B3GALNT2: variants seen among roughly 807,000 people sequenced by gnomAD.
B3GALNT2 encodes the protein beta-1,3-N-acetylgalactosaminyltransferase 2.
A neutral mutation model predicts 61.1 loss-of-function variants in B3GALNT2; 53 were observed. The ratio of observed to expected loss-of-function variants is 0.87; its 90% CI spans 0.70 to 1.09. The LOEUF (loss-of-function observed/expected upper bound fraction) is 1.09. Among genes scored for constraint, B3GALNT2 ranks in the 50% least tolerant of loss-of-function variants. B3GALNT2 has a pLI of 0.00. For missense variants in B3GALNT2, 544 were observed against 623.0 expected (o/e 0.87, Z 1.35); for synonymous variants, 223 against 237.4 (o/e 0.94, Z 0.56).
intron 1 of B3GALNT2, among the ~76,000 whole-genome samples, chr1:235,503,225 T>A (rs575726382): frequency 3.3e-5 from 5 of 152,226 alleles, no homozygotes; most frequent in African/African-American, 1.2e-4. Context: ...AGTCCCAGTA[T>A]AGTTACAAAA....
At chr1:235,502,918 G>C (rs1685646801) in intron 1 of B3GALNT2, among the ~76,000 whole-genome samples, 1 of 152,180 alleles carries the variant, frequency 6.6e-6, no homozygotes, top group Non-Finnish European at 1.5e-5. Flanking sequence ...GCAAAACCCT[G>C]ACCCCATCAA....
the B3GALNT2 span, chr1:235,441,929 G>A: frequency 6.5e-7 from 1 of 1,535,708 alleles, no homozygotes; most frequent in Middle Eastern, 1.8e-4. Flanking sequence ...GAGTGCTTAG[G>A]TGCTGAAACA....
rs532768784 is a variant in B3GALNT2, at chr1:235,447,909, C to A, written c.*2297G>T. On this transcript the variant is annotated 3_prime_UTR_variant, in exon 12 of 12. Transcript: ENST00000366600. Reference sequence around the variant, plus strand: ...CTAATTACTTACTTGGGTAAAGTGACTTGGGTAAAATGAAAGATACAGCCA... The same window carrying A: ...CTAATTACTTACTTGGGTAAAGTGAATTGGGTAAAATGAAAGATACAGCCA... Among the ~76,000 whole-genome samples the A allele has an allele frequency of 7.2e-5, 11 of 152,042 alleles. No individual in the cohort carries two copies. Among genetic ancestry groups the A allele is most frequent in the Admixed American group, 5.3e-4 (8 of 15,234 alleles).
At position 235,454,140 on chromosome 1, in the gene B3GALNT2, A is replaced by G; in HGVS notation, c.1311+16T>C. ...TGGCAAGAGCCACCACGCCAAGCTA[A>G]GAAATTCTTAATTACCTGATAGGTC... On this transcript the variant is annotated intron_variant, in intron 10 of 11. Transcript: ENST00000366600. The G allele has an allele frequency of 5.7e-6, 9 of 1,585,748 alleles. No homozygotes were observed. Among genetic ancestry groups the G allele is most frequent in the Non-Finnish European group, 7.7e-6 (9 of 1,164,696 alleles).
intron 1 of B3GALNT2, among the ~76,000 whole-genome samples, chr1:235,499,817 A>G (rs1159312565): frequency 6.6e-6 from 1 of 152,208 alleles, no homozygotes; most frequent in East Asian, 1.9e-4. Context: ...CTGAGTATAC[A>G]TTCTTTCCTA....
rs1034737096 is a variant in B3GALNT2, at chr1:235,477,781, T to A, written c.651+2273A>T. ...CAAATTGCCCCTGGTGAAGAAACACTGCTCTTAAAGAATAGGACCCCCTCA... is the reference window on the plus strand; with the variant it reads ...CAAATTGCCCCTGGTGAAGAAACACAGCTCTTAAAGAATAGGACCCCCTCA... On this transcript the variant is annotated intron_variant, in intron 5 of 11. Coordinates refer to ENST00000366600, the MANE Select transcript of B3GALNT2 (RefSeq NM_152490.5). Among the ~76,000 whole-genome samples the A allele has an allele frequency of 2.0e-5, 3 of 152,202 alleles. 1 individual carries two copies. The highest frequency in any genetic ancestry group is 4.4e-5 in the Non-Finnish European group (3 of 68,044).
Position 235,504,411 on chromosome 1 carries a change from C to T in B3GALNT2, c.-159G>A. 1.3e-6 allele frequency: 1 copy of T among 743,740 alleles called. No individual in the cohort carries two copies. Among genetic ancestry groups the T allele is most frequent in the East Asian group, 3.7e-5 (1 of 26,800 alleles). 46.1% of individuals were successfully genotyped at this position (743,740 alleles called of 1,614,324 possible). On this transcript the variant is annotated 5_prime_UTR_variant, in exon 1 of 12. Transcript: ENST00000366600. Reference sequence around the variant, plus strand: ...CTGGGGGGCTCCTCGCAGCTCCCGGCCCCGCTCCTCCGGTCCCTCAGACCG... The same window carrying T: ...CTGGGGGGCTCCTCGCAGCTCCCGGTCCCGCTCCTCCGGTCCCTCAGACCG...
chr1:235,482,725 G>A (rs1684615078), intron 4 of B3GALNT2, among the ~76,000 whole-genome samples: 1 of 152,078 alleles, frequency 6.6e-6, no homozygotes, highest in African/African-American at 2.4e-5. Flanking sequence ...TACTCAAGAG[G>A]CTGAGATGGG....
chr1:235,446,244 C>G (rs763416966), downstream of B3GALNT2, among the ~76,000 whole-genome samples: 1 of 151,996 alleles, frequency 6.6e-6, no homozygotes, highest in African/African-American at 2.4e-5. Context: ...GGCATGATCT[C>G]GGCTCACTGC....
chr1:235,448,525 T>A lies in B3GALNT2; in HGVS notation c.*1681A>T, dbSNP rs1682635087. The A allele has an allele frequency of 3.5e-6, 5 of 1,436,672 alleles. No homozygotes were observed. Among genetic ancestry groups the A allele is most frequent in the Admixed American group, 3.3e-5 (2 of 59,704 alleles). 89.0% of individuals were successfully genotyped at this position (1,436,672 alleles called of 1,614,324 possible). On this transcript the variant is annotated 3_prime_UTR_variant, in exon 12 of 12. Coordinates refer to ENST00000366600, the MANE Select transcript of B3GALNT2 (RefSeq NM_152490.5). ...AAACTGTCTCTAGATAGCAACAGTT[T>A]GATTCTAAATGGAGACCATGGGTCT... is the stretch of plus-strand genomic sequence containing the variant.
downstream of B3GALNT2, among the ~76,000 whole-genome samples, chr1:235,444,044 T>C (rs967847557): frequency 6.6e-6 from 1 of 152,244 alleles, no homozygotes; most frequent in Non-Finnish European, 1.5e-5. Context: ...ACACATCAGC[T>C]TAATGACTCT....
At position 235,453,113 on chromosome 1, in the gene B3GALNT2, C is replaced by T. The variant is rs2102780468; in HGVS notation, c.1345G>A (p.Ala449Thr). 1 of 1,613,290 alleles carries T rather than the reference C, an allele frequency of 6.2e-7. No homozygotes were observed. Among genetic ancestry groups the T allele is most frequent in the Non-Finnish European group, 8.5e-7 (1 of 1,179,218 alleles). ...ACCTGGTATCTTTTAGGTCCTATGG[C>T]AGCCATCCAGATGCCCATGCTTACA... The part of the protein sequence containing the change: ...EDVSMGIWMA[A>T]IGPKRYQDSL... The change falls in exon 11 of 12, where the codon GCC becomes ACC. Residue 449 changes from alanine (A) to threonine (T), a missense_variant. By Grantham distance (58) the Ala-to-Thr change is moderately conservative. Transcript: ENST00000366600.
chr1:235,443,042 TTA>T, downstream of B3GALNT2: 1 of 887,484 alleles, frequency 1.1e-6, no homozygotes, highest in Non-Finnish European at 1.8e-6. Context: ...CATTAGTCTT[TTA>T]TATTCTAAAA....
At chr1:235,472,301 C>A (rs1684042741) in intron 5 of B3GALNT2, among the ~76,000 whole-genome samples, 1 of 152,060 alleles carries the variant, frequency 6.6e-6, no homozygotes, top group Non-Finnish European at 1.5e-5. Context: ...GCCCCCCTGT[C>A]CCAAGGTCTG....
chr1:235,454,225 T>C lies in B3GALNT2; in HGVS notation c.1242A>G (p.Ser414=). 6.2e-7 allele frequency: 1 copy of C among 1,613,802 alleles called. No individual in the cohort carries two copies. The highest frequency in any genetic ancestry group is 8.5e-7 in the Non-Finnish European group (1 of 1,179,766). Residue 414 remains serine (S), a synonymous_variant, in exon 10 of 12, where the codon TCA becomes TCG. Coordinates refer to ENST00000366600, the MANE Select transcript of B3GALNT2 (RefSeq NM_152490.5). ...CGATGTCCTTGGAGATCACATATCC[T>C]GACCCACATGCAAAGGCAGGGTAAG... The part of the protein sequence containing the change: ...SPAYPAFACG[S]GYVISKDIVK...
In B3GALNT2 at chr1:235,475,135, C is replaced by G. The variant is rs573730981; in HGVS notation, c.652-4175G>C. 1.1e-3 allele frequency among the ~76,000 whole-genome samples: 168 copies of G among 150,084 alleles called. 2 individuals carry two copies. Among genetic ancestry groups the G allele is most frequent in the African/African-American group, 3.8e-3 (156 of 40,886 alleles). ...TGCCTCAGCCTTCTGGTAGCTGGGACTACAGGCATGCGCCACCACACCTGG... is the reference window on the plus strand; with the variant it reads ...TGCCTCAGCCTTCTGGTAGCTGGGAGTACAGGCATGCGCCACCACACCTGG... On this transcript the variant is annotated intron_variant, in intron 5 of 11. Coordinates refer to ENST00000366600, the MANE Select transcript of B3GALNT2 (RefSeq NM_152490.5).
At position 235,447,941 on chromosome 1, in the gene B3GALNT2, G is replaced by GT. The variant is rs1440155059; in HGVS notation, c.*2264_*2265insA. Among the ~76,000 whole-genome samples the GT allele has an allele frequency of 1.3e-5, 2 of 152,156 alleles. No homozygotes were observed. Among genetic ancestry groups the GT allele is most frequent in the South Asian group, 2.1e-4 (1 of 4,816 alleles). ...AAAATGAAAGATACAGCCAGGCGCT[G>GT]GGCTCATGCTTGTAATCCCAGCACT... On this transcript the variant is annotated 3_prime_UTR_variant, in exon 12 of 12. Transcript: ENST00000366600.
In B3GALNT2 at chr1:235,454,200, C is replaced by T. The variant is rs1377806467; in HGVS notation, c.1267G>A (p.Val423Ile). 3.1e-6 allele frequency: 5 copies of T among 1,612,522 alleles called. No homozygotes were observed. Among genetic ancestry groups the T allele is most frequent in the South Asian group, 2.2e-5 (2 of 90,852 alleles). Residue 423 changes from valine (V) to isoleucine (I), a missense_variant, in exon 10 of 12, where the codon GTC (valine) becomes ATC (isoleucine). Val to Ile is a conservative substitution (Grantham distance 29, BLOSUM62 3). Coordinates refer to ENST00000366600, the MANE Select transcript of B3GALNT2 (RefSeq NM_152490.5). ...GSGYVISKDI[V>I]KWLASNSGRL... Reference sequence around the variant, plus strand: ...CCCGAGTTGCTTGCCAGCCACTTGACGATGTCCTTGGAGATCACATATCCT... The same window carrying T: ...CCCGAGTTGCTTGCCAGCCACTTGATGATGTCCTTGGAGATCACATATCCT...
intron 6 of B3GALNT2, among the ~76,000 whole-genome samples, chr1:235,470,364 G>T (rs925802595): frequency 6.6e-6 from 1 of 152,006 alleles, no homozygotes; most frequent in African/African-American, 2.4e-5. Context: ...GCGTAGGTGG[G>T]CGGATCACTT....
Sources: allele counts gnomAD v4.1 joint callset (sites outside exome capture counted in the v4.1 genomes callset), GRCh38; gene constraint gnomAD v4.1.1; transcripts MANE v1.5; gene names NCBI Gene and HGNC (gene_info 2026-07-23, HGNC 2026-07-21).